NDST3: variants seen among roughly 807,000 people sequenced by gnomAD.
NDST3 encodes the protein bifunctional heparan sulfate N-deacetylase/N-sulfotransferase 3.
A neutral mutation model predicts 96.1 loss-of-function variants in NDST3; 58 were observed. The observed-to-expected ratio is 0.60, with a 90% CI of 0.49 to 0.75. NDST3 has a LOEUF of 0.75. NDST3 is among the 30% of genes least tolerant of loss of function. The pLI is 0.00. For missense variants in NDST3, 788 were observed against 1,034.2 expected (o/e 0.76, Z 3.27); for synonymous variants, 333 against 359.7 (o/e 0.93, Z 0.84).
In NDST3 at chr4:118,207,764, T is replaced by C. The variant is rs1738525024; in HGVS notation, c.1540-16727T>C. Among the ~76,000 whole-genome samples, 3 of 144,916 alleles carry C rather than the reference T, an allele frequency of 2.1e-5. 1 individual carries two copies. The highest frequency in any genetic ancestry group is 5.1e-5 in the African/African-American group (2 of 39,296). On this transcript the variant is annotated intron_variant, in intron 6 of 13. Transcript: ENST00000296499. ...ATGAAACCATTTATTAAAATCCGTGTAATTCTTTCAAAATTCTAACATATC... is the reference window on the plus strand; with the variant it reads ...ATGAAACCATTTATTAAAATCCGTGCAATTCTTTCAAAATTCTAACATATC...
chr4:118,184,495 C>G (rs1047155685), intron 6 of NDST3, among the ~76,000 whole-genome samples: 41 of 151,902 alleles, frequency 2.7e-4, no homozygotes, highest in African/African-American at 9.2e-4. Context: ...CCCTGCAAAT[C>G]TGGGGCTTAC....
intron 4 of NDST3, among the ~76,000 whole-genome samples, chr4:118,117,579 T>C (rs565799577): frequency 6.6e-6 from 1 of 152,308 alleles, no homozygotes; most frequent in South Asian, 2.1e-4. Context: ...GGGTTTCCAA[T>C]TTTAACATAT....
At chr4:118,143,955 G>C (rs891152314) in intron 6 of NDST3, among the ~76,000 whole-genome samples, 2 of 151,974 alleles carry the variant, frequency 1.3e-5, no homozygotes, top group South Asian at 4.2e-4. Context: ...GCTTTCATGG[G>C]GAATAAAATT....
intron 6 of NDST3, among the ~76,000 whole-genome samples, chr4:118,206,006 G>C (rs1738421103): frequency 7.0e-6 from 1 of 142,540 alleles, no homozygotes; most frequent in Non-Finnish European, 1.5e-5. Context: ...CTAATTTTTT[G>C]TATTTTTAGT....
At chr4:118,218,609 AGC>A (rs1364632206) in intron 6 of NDST3, among the ~76,000 whole-genome samples, 1 of 152,056 alleles carries the variant, frequency 6.6e-6, no homozygotes, top group Non-Finnish European at 1.5e-5. Flanking sequence ...AAAAGCTAGA[AGC>A]ATTTCCTTGA....
chr4:118,218,535 C>T (rs1220278870), intron 6 of NDST3, among the ~76,000 whole-genome samples: 1 of 151,892 alleles, frequency 6.6e-6, no homozygotes. Context: ...TATTTATGGA[C>T]TATACCTCAA....
chr4:118,142,487 A>G (rs964456836), intron 5 of NDST3, among the ~76,000 whole-genome samples: 1 of 152,104 alleles, frequency 6.6e-6, no homozygotes, highest in Non-Finnish European at 1.5e-5. Context: ...AAACACTAGT[A>G]TATTTCTACA....
At chr4:118,098,046 T>TC (rs1553930865) in intron 2 of NDST3, among the ~76,000 whole-genome samples, 1 of 88,718 alleles carries the variant, frequency 1.1e-5, no homozygotes, top group Non-Finnish European at 3.4e-5. Context: ...TTAATTACTG[T>TC]GGTTTTTTTT....
chr4:118,105,641 C>A (rs1223460518), intron 3 of NDST3, among the ~76,000 whole-genome samples: 1 of 152,080 alleles, frequency 6.6e-6, no homozygotes, highest in Admixed American at 6.6e-5. Context: ...TAATTCTTTC[C>A]TTTTCCTTGC....
intron 6 of NDST3, chr4:118,194,843 G>A (rs961959641): frequency 1.2e-5 from 4 of 322,108 alleles, no homozygotes; most frequent in Admixed American, 4.4e-5. Context: ...TGTGCAGGAG[G>A]CCAGGTGCTG....
intron 2 of NDST3, among the ~76,000 whole-genome samples, chr4:118,076,799 C>A (rs1305587093): frequency 6.6e-6 from 1 of 152,144 alleles, no homozygotes; most frequent in African/African-American, 2.4e-5. Flanking sequence ...CCTGTTATTT[C>A]AGCTATTTCA....
chr4:118,139,372 C>A (rs1376306122), intron 5 of NDST3, among the ~76,000 whole-genome samples: 4 of 152,198 alleles, frequency 2.6e-5, no homozygotes, highest in African/African-American at 7.2e-5. Context: ...TAACAGATTT[C>A]CTGTTTTGAT....
At chr4:118,071,140 T>G (rs932986878) in intron 2 of NDST3, among the ~76,000 whole-genome samples, 1 of 152,124 alleles carries the variant, frequency 6.6e-6, no homozygotes, top group African/African-American at 2.4e-5. Flanking sequence ...GACATTTGGG[T>G]TGGTTCCAAG....
intron 6 of NDST3, among the ~76,000 whole-genome samples, chr4:118,170,519 G>A (rs1336336453): frequency 1.3e-5 from 2 of 152,316 alleles, no homozygotes; most frequent in African/African-American, 4.8e-5. Context: ...CACGAGGTCA[G>A]GAGTTCGAGA....
At chr4:118,238,207 G>GA (rs768062017) in intron 10 of NDST3, among the ~76,000 whole-genome samples, 1 of 135,604 alleles carries the variant, frequency 7.4e-6, no homozygotes, top group Non-Finnish European at 1.6e-5. Flanking sequence ...AAGAAAGAAA[G>GA]AAAGAAAGAA....
chr4:118,156,540 GACTACATACAT>G, intron 6 of NDST3, among the ~76,000 whole-genome samples: 1 of 152,132 alleles, frequency 6.6e-6, no homozygotes, highest in East Asian at 1.9e-4. Flanking sequence ...GACTTCCCAT[GACTACATACAT>G]ACTATCTTTG....
Position 118,066,411 on chromosome 4 carries a change from C to T in NDST3, c.981+11520C>T, listed in dbSNP as rs796615534. ...ATGTTATATATTATATATCATATAT[C>T]ATATGTTATATATTATATATCATAT... On this transcript the variant is annotated intron_variant, in intron 2 of 13. Transcript: ENST00000296499. Among the ~76,000 whole-genome samples the T allele has an allele frequency of 6.8e-3, 7 of 1,026 alleles. 2 individuals carry two copies. The Non-Finnish European group carries it at 0.11, about 16-fold the overall frequency. The allele number at this position is 1,026 out of a possible 152,430, so 0.7% of individuals were successfully genotyped here.
intron 6 of NDST3, among the ~76,000 whole-genome samples, chr4:118,222,789 C>A (rs986295434): frequency 6.6e-6 from 1 of 151,924 alleles, no homozygotes; most frequent in African/African-American, 2.4e-5. Flanking sequence ...GAAAGAGTAG[C>A]ATTTTTTTAC....
rs1726457605 is a variant in NDST3, at chr4:118,066,358, ATG to A, written c.981+11469_981+11470del. Among the ~76,000 whole-genome samples the A allele has an allele frequency of 1.8e-4, 2 of 11,030 alleles. 1 individual carries two copies. The highest frequency in any genetic ancestry group is 7.4e-4 in the African/African-American group (2 of 2,712). 7.2% of individuals were successfully genotyped at this position (11,030 alleles called of 152,430 possible). On this transcript the variant is annotated intron_variant, in intron 2 of 13. Transcript: ENST00000296499. Reference sequence around the variant, plus strand: ...ATATATATTATATATCATATATCATATGTTATATATTATATATCATATATCAT... The same window carrying A: ...ATATATATTATATATCATATATCATATTATATATTATATATCATATATCAT...
Sources: allele counts gnomAD v4.1 joint callset (sites outside exome capture counted in the v4.1 genomes callset), GRCh38; gene constraint gnomAD v4.1.1; transcripts MANE v1.5; gene names NCBI Gene and HGNC (gene_info 2026-07-23, HGNC 2026-07-21).